LGALS9B: variants seen among roughly 807,000 people sequenced by gnomAD.
LGALS9B encodes galectin 9B.
In LGALS9B, 8 loss-of-function variants were observed where a neutral mutation model predicts 35.9. The observed-to-expected ratio is 0.22, with a 90% CI of 0.13 to 0.40. The LOEUF (loss-of-function observed/expected upper bound fraction) is 0.40, where lower values mean the gene tolerates loss of function less well. Among genes scored for constraint, LGALS9B ranks in the 10% least tolerant of loss-of-function variants. The probability of loss-of-function intolerance (pLI) is 1.00; values close to 1 mark genes in which losing one functional copy is unlikely to be tolerated. For synonymous variants in LGALS9B, 42 were observed against 148.6 expected (o/e 0.28, Z 5.22); for missense variants, 101 against 397.9 (o/e 0.25, Z 6.35).
chr17:20,466,187 C>T (rs903251078), intron 1 of LGALS9B, among the ~76,000 whole-genome samples: 1 of 151,782 alleles, frequency 6.6e-6, no homozygotes, highest in Non-Finnish European at 1.5e-5. Flanking sequence ...GTTCCAGCTT[C>T]CCCCACTCCC....
At chr17:20,467,095 G>A (rs934602302) in intron 1 of LGALS9B, among the ~76,000 whole-genome samples, 48 of 143,622 alleles carry the variant, frequency 3.3e-4, no homozygotes, top group Admixed American at 6.9e-4. Flanking sequence ...CTACCATGCC[G>A]GGTAGCATCC....
chr17:20,467,354 C>T (rs1417084218), intron 1 of LGALS9B, 78 bp downstream of exon 1: 45 of 1,304,616 alleles, frequency 3.4e-5, no homozygotes, highest in Non-Finnish European at 4.8e-5. Flanking sequence ...TCCTGCCACC[C>T]AGGAGTTGCT....
At chr17:20,461,841 T>A (rs1453270725) in intron 1 of LGALS9B, among the ~76,000 whole-genome samples, 1 of 57,788 alleles carries the variant, frequency 1.7e-5, no homozygotes, top group African/African-American at 7.7e-5. Context: ...TTGGGGGAAA[T>A]CTTTTGTCAA....
At position 20,460,351 on chromosome 17, in the gene LGALS9B, C is replaced by G; in HGVS notation, c.131+1G>C. 4.4e-6 allele frequency: 7 copies of G among 1,602,970 alleles called. No homozygotes were observed. The highest frequency in any genetic ancestry group is 6.0e-6 in the Non-Finnish European group (7 of 1,171,618). On this transcript the variant is annotated splice_donor_variant, in intron 2 of 10. Coordinates refer to ENST00000423676, the MANE Select transcript of LGALS9B (RefSeq NM_001367292.2). LOFTEE classifies it high-confidence loss of function. ...AAACGTTTCCATCCATATACACACACCTGGTTCCACTGGAGCTGAGAACGG... is the reference window on the plus strand; with the variant it reads ...AAACGTTTCCATCCATATACACACAGCTGGTTCCACTGGAGCTGAGAACGG...
chr17:20,453,213 G>A, intron 6 of LGALS9B, 146 bp from the exon 7 acceptor site: 1 of 863,882 alleles, frequency 1.2e-6, no homozygotes, highest in African/African-American at 1.5e-5. Flanking sequence ...GGGTCCAGGG[G>A]ACGAGGGAGA....
At chr17:20,453,263 T>C (rs1016587094) in intron 6 of LGALS9B, 196 bp from the exon 7 acceptor site, 5 of 640,066 alleles carry the variant, frequency 7.8e-6, no homozygotes, top group Non-Finnish European at 1.4e-5. Flanking sequence ...ATGGGGACGC[T>C]GGTGGCTCTG....
chr17:20,464,161 G>T (rs1345009003), intron 1 of LGALS9B, among the ~76,000 whole-genome samples: 3 of 142,040 alleles, frequency 2.1e-5, no homozygotes, highest in African/African-American at 8.1e-5. Flanking sequence ...GCAGTGGCAT[G>T]ATCTCAGCTC....
intron 9 of LGALS9B, 31 bp from the exon 10 acceptor site, chr17:20,451,674 C>G (rs1386275489): frequency 3.2e-6 from 5 of 1,585,578 alleles, no homozygotes; most frequent in Non-Finnish European, 3.4e-6. Flanking sequence ...GGACCTTTGT[C>G]CACTGAGTTC....
intron 2 of LGALS9B, 127 bp downstream of exon 2, chr17:20,460,225 T>C (rs2042716515): frequency 8.9e-6 from 13 of 1,454,824 alleles, no homozygotes; most frequent in Admixed American, 1.8e-5. Flanking sequence ...TAAGGATGCA[T>C]TGGGTCTCCC....
intron 1 of LGALS9B, among the ~76,000 whole-genome samples, chr17:20,461,372 A>G (rs567127825): frequency 5.7e-3 from 868 of 151,796 alleles, no homozygotes; most frequent in African/African-American, 0.02. Flanking sequence ...AGACTGGCAC[A>G]GAGGAGACGC....
intron 2 of LGALS9B, 85 bp downstream of exon 2, chr17:20,460,267 G>T: frequency 1.2e-6 from 2 of 1,608,412 alleles, no homozygotes; most frequent in Non-Finnish European, 1.7e-6. Context: ...GGATGTTGTT[G>T]TTTGAACTAA....
Position 20,458,234 on chromosome 17 carries a change from C to G in LGALS9B, c.282G>C (p.Gln94His). The change falls in exon 3 of 11, where the codon CAG (glutamine) becomes CAC (histidine). Residue 94 changes from glutamine (Q) to histidine (H), a missense_variant. Transcript: ENST00000423676. ...AGCAGAGGTCAAAGGGCATCCCCTT[C>G]TGGAAGGGCATGTGCATCTTCCTCT... ...PEERKMHMPFQKGMPFDLCFL... is the reference protein window; with the variant it reads ...PEERKMHMPFHKGMPFDLCFL... 4 of 1,613,672 alleles carry G rather than the reference C, an allele frequency of 2.5e-6. No individual in the cohort carries two copies. Among genetic ancestry groups the G allele is most frequent in the Non-Finnish European group, 2.5e-6 (3 of 1,179,866 alleles).
intron 5 of LGALS9B, among the ~76,000 whole-genome samples, chr17:20,454,829 T>C (rs1447520340): frequency 6.8e-6 from 1 of 146,128 alleles, no homozygotes; most frequent in East Asian, 2.0e-4. Flanking sequence ...GCTTCGTGGG[T>C]TGGGGGTGAG....
intron 1 of LGALS9B, among the ~76,000 whole-genome samples, chr17:20,465,972 T>C (rs1210430131): frequency 4.1e-5 from 6 of 147,988 alleles, no homozygotes; most frequent in South Asian, 2.2e-4. Flanking sequence ...GGCCCCGCTT[T>C]AACTCTCTCA....
chr17:20,452,275 TC>T (rs1190944507), intron 8 of LGALS9B, 75 bp downstream of exon 8: 2 of 216,648 alleles, frequency 9.2e-6, no homozygotes, highest in African/African-American at 4.9e-5. Flanking sequence ...GGCCAGCGGA[TC>T]CCCCCGTAGC....
chr17:20,457,682 A>C (rs1248918176), intron 3 of LGALS9B: 6 of 202,128 alleles, frequency 3.0e-5, no homozygotes, highest in African/African-American at 1.5e-4. Context: ...AATGGATGGG[A>C]ACATCCTTAT....
intron 2 of LGALS9B, among the ~76,000 whole-genome samples, chr17:20,459,122 G>GA (rs1246118101): frequency 3.5e-5 from 5 of 142,778 alleles, no homozygotes; most frequent in Non-Finnish European, 6.2e-5. Flanking sequence ...TGTCTCTAAA[G>GA]AAAAAAATAA....
At chr17:20,466,382 C>T (rs2142430164) in intron 1 of LGALS9B, among the ~76,000 whole-genome samples, 1 of 151,930 alleles carries the variant, frequency 6.6e-6, no homozygotes, top group African/African-American at 2.4e-5. Context: ...GGCACCCAAG[C>T]CCGACCCTGG....
At chr17:20,451,028 C>G (rs2042643774) in intron 10 of LGALS9B, among the ~76,000 whole-genome samples, 1 of 151,594 alleles carries the variant, frequency 6.6e-6, no homozygotes, top group Non-Finnish European at 1.5e-5. Context: ...ACAATCTGTT[C>G]ATGCTTTAGT....
Sources: allele counts gnomAD v4.1 joint callset (sites outside exome capture counted in the v4.1 genomes callset), GRCh38; gene constraint gnomAD v4.1.1; transcripts MANE v1.5; gene names NCBI Gene and HGNC (gene_info 2026-07-23, HGNC 2026-07-21).